Variants in ADGRA2 observed in about 807,000 individuals in gnomAD.
ADGRA2 encodes G-protein coupled receptor 124.
A neutral mutation model predicts 98.7 loss-of-function variants in ADGRA2; 61 were observed. The ratio of observed to expected loss-of-function variants is 0.62; its 90% CI spans 0.50 to 0.76. The LOEUF is 0.76. Ranked by LOEUF, ADGRA2 falls within the 30% of genes least tolerant of loss-of-function variation. The pLI is 0.00. For synonymous variants in ADGRA2, 858 were observed against 831.5 expected, an observed-to-expected ratio of 1.03 and a Z score of -0.55; for missense variants, 1,712 against 1,860.0, an observed-to-expected ratio of 0.92 and a Z score of 1.46.
intron 2 of ADGRA2, among the ~76,000 whole-genome samples, chr8:37,816,225 G>GGCTGCAGTGAGCTATGATTGTGCC (rs533597374): frequency 0.024 from 3,701 of 152,172 alleles, 149 homozygotes; most frequent in African/African-American, 0.085. Flanking sequence ...AGGAGTTCAA[G>GGCTGCAGTGAGCTATGATTGTGCC]GCTGCAGTGA....
intron 1 of ADGRA2, among the ~76,000 whole-genome samples, chr8:37,810,831 G>A (rs1804806578): frequency 1.3e-5 from 2 of 152,042 alleles, no homozygotes; most frequent in South Asian, 4.1e-4. Context: ...TGAACTTTTA[G>A]GCTGGGCGCG....
chr8:37,828,866 G>C (rs1178647849), intron 2 of ADGRA2, 22 bp from the exon 3 acceptor site: 1 of 1,586,810 alleles, frequency 6.3e-7, no homozygotes, highest in Non-Finnish European at 8.6e-7. Flanking sequence ...AGGTGTGAGG[G>C]CCTCTGCACT....
chr8:37,835,740 G>A lies in ADGRA2; in HGVS notation c.2020G>A (p.Val674Met), dbSNP rs772222895. The change falls in exon 13 of 19, where the codon GTG (valine) becomes ATG (methionine). Residue 674 changes from valine to methionine, a missense_variant. Physicochemically the swap from Val to Met is conservative, Grantham distance 21. Transcript: ENST00000412232. ...GAAGPGKRRG[V>M]ATPVIFAGTS... ...TGCTGGGCCTGGCAAGAGGCGTGGC[G>A]TGGCCACCCCCGTCATCTTCGCAGG... 1.1e-5 allele frequency: 18 copies of A among 1,613,092 alleles called. No homozygotes were observed. Among genetic ancestry groups the A allele is most frequent in the South Asian group, 4.4e-5 (4 of 91,044 alleles).
intron 13 of ADGRA2, among the ~76,000 whole-genome samples, chr8:37,836,276 G>A (rs1161341719): frequency 6.6e-6 from 1 of 152,214 alleles, no homozygotes; most frequent in Non-Finnish European, 1.5e-5. Context: ...CCAGGCAGCT[G>A]CTGCACAGGC....
In ADGRA2 at chr8:37,830,094, T is replaced by C; in HGVS notation, c.718+80T>C. ...CCAGGGCCCAGACACGAGCCTCCCC[T>C]CAGACCCACAGGTTTTTACCTTTGT... is the stretch of plus-strand genomic sequence containing the variant. On this transcript the variant is annotated intron_variant, in intron 6 of 18. Coordinates refer to ENST00000412232, the MANE Select transcript of ADGRA2 (RefSeq NM_032777.10). The surrounding 1 kb of genome is among the most constrained non-coding windows in gnomAD (Gnocchi z 4.8). The C allele has an allele frequency of 2.1e-6, 2 of 938,604 alleles. No homozygotes were observed. The highest frequency in any genetic ancestry group is 1.8e-5 in the South Asian group (1 of 55,664). The allele number at this position is 938,604 out of a possible 1,614,324, so 58.1% of individuals were successfully genotyped here.
intron 2 of ADGRA2, among the ~76,000 whole-genome samples, chr8:37,819,783 GC>G (rs1348184390): frequency 5.9e-5 from 9 of 152,150 alleles, no homozygotes; most frequent in Admixed American, 4.6e-4. Flanking sequence ...TGATTCTCCT[GC>G]CTCAGACTCC....
At position 37,841,722 on chromosome 8, in the gene ADGRA2, G is replaced by A; in HGVS notation, c.3384G>A (p.Pro1128=). ...CCCCAAGCGGCAGCAGCGGCCATCC[G>A]CTGGCTCTGGGCCCCTGCAAGCTCA... The part of the protein sequence containing the change: ...KSSPSGSSGH[P]LALGPCKLTN... Residue 1128 remains proline, a synonymous_variant, in exon 19 of 19, where the codon CCG becomes CCA. Transcript: ENST00000412232. This position sits in a 1 kb window ranked among gnomAD's most constrained non-coding sequence, Gnocchi z 5.0. 1 of 1,541,578 alleles carries A rather than the reference G, an allele frequency of 6.5e-7. No individual in the cohort carries two copies. Among genetic ancestry groups the A allele is most frequent in the Non-Finnish European group, 8.7e-7 (1 of 1,144,102 alleles).
At chr8:37,815,098 A>T in intron 2 of ADGRA2, 131 bp downstream of exon 2, 1 of 680,204 alleles carries the variant, frequency 1.5e-6, no homozygotes, top group Non-Finnish European at 2.6e-6. Context: ...CCGGAGTTAG[A>T]CCCACTGGGA....
chr8:37,829,105 C>A, intron 3 of ADGRA2, 146 bp downstream of exon 3: 1 of 788,884 alleles, frequency 1.3e-6, no homozygotes, highest in Non-Finnish European at 2.1e-6. Flanking sequence ...GTCAAAGGAG[C>A]TGGCATTTCC....
At position 37,840,160 on chromosome 8, in the gene ADGRA2, C is replaced by A; in HGVS notation, c.2551C>A (p.Leu851Ile). 6.2e-7 allele frequency: 1 copy of A among 1,610,282 alleles called. No individual in the cohort carries two copies. The highest frequency in any genetic ancestry group is 1.1e-5 in the South Asian group (1 of 91,064). ...GCACTACTCCTCCCTATCCACGCTG[C>A]TCTGGATGGGCGTGAAGGCGCGAGT... is the stretch of plus-strand genomic sequence containing the variant. ...TLHYSSLSTL[L>I]WMGVKARVLH... is the part of the protein sequence containing the mutation. Residue 851 changes from leucine to isoleucine, a missense_variant, in exon 17 of 19, where the codon CTC becomes ATC. Transcript: ENST00000412232.
chr8:37,811,620 G>A (rs1286992751), intron 1 of ADGRA2, among the ~76,000 whole-genome samples: 2 of 150,066 alleles, frequency 1.3e-5, no homozygotes, highest in East Asian at 2.0e-4. Context: ...GGGATTACAG[G>A]CATGCACCAC....
chr8:37,797,023 C>A lies in ADGRA2; in HGVS notation c.-246C>A, dbSNP rs1184113825. 2.2e-5 allele frequency: 4 copies of A among 181,572 alleles called. No individual in the cohort carries two copies. The highest frequency in any genetic ancestry group is 4.5e-5 in the Non-Finnish European group (4 of 88,688). The allele number at this position is 181,572 out of a possible 1,614,324, so 11.2% of individuals were successfully genotyped here. On this transcript the variant is annotated 5_prime_UTR_variant, in exon 1 of 19. Transcript: ENST00000412232. This position sits in a 1 kb window ranked among gnomAD's most constrained non-coding sequence, Gnocchi z 5.3. ...GAGGGCCGGGCGCTGAGACTCCGGC[C>A]GCGCAGCTGGGAGCTGCCCGCGCTG...
At position 37,835,163 on chromosome 8, in the gene ADGRA2, C is replaced by G; in HGVS notation, c.1609-11C>G. On this transcript the variant is annotated splice_polypyrimidine_tract_variant and intron_variant, in intron 11 of 18. Transcript: ENST00000412232. ...TCTCAAATGGTGGGATGACAAGGTC[C>G]CTGTCCCCAGAATGCGAGGAACGTG... 6.2e-7 allele frequency: 1 copy of G among 1,604,914 alleles called. No individual in the cohort carries two copies. The highest frequency in any genetic ancestry group is 8.5e-7 in the Non-Finnish European group (1 of 1,172,108).
rs1430569333 is a variant in ADGRA2, at chr8:37,841,537, A to T, written c.3199A>T (p.Thr1067Ser). The change falls in exon 19 of 19, where the codon ACT becomes TCT. Residue 1067 changes from threonine to serine, a missense_variant. Transcript: ENST00000412232. The surrounding 1 kb of genome is among the most constrained non-coding windows in gnomAD (Gnocchi z 5.0). ...CTCCGCCCTGGGCCTCTTCGTCTTC[A>T]CTCACCACTGTGCCAGGCGGAGGGA... ...AASALGLFVF[T>S]HHCARRRDVR... 6.2e-7 allele frequency: 1 copy of T among 1,611,946 alleles called. No individual in the cohort carries two copies. The highest frequency in any genetic ancestry group is 8.5e-7 in the Non-Finnish European group (1 of 1,179,698).
intron 2 of ADGRA2, among the ~76,000 whole-genome samples, chr8:37,827,710 A>T (rs1563346574): frequency 1.3e-5 from 2 of 152,188 alleles, no homozygotes; most frequent in Admixed American, 6.5e-5. Context: ...CTGAAGGAGG[A>T]GGCTGGACAG....
At position 37,805,402 on chromosome 8, in the gene ADGRA2, A is replaced by G. The variant is rs1324186301; in HGVS notation, c.266+7868A>G. The stretch of plus-strand genomic sequence containing the variant: ...AAGATGAGTATCTGCGTAGGTAGAA[A>G]ACATTGATAACTTCCATCCTTTTGG... On this transcript the variant is annotated intron_variant, in intron 1 of 18. Transcript: ENST00000412232. Among the ~76,000 whole-genome samples the G allele has an allele frequency of 2.0e-5, 3 of 152,172 alleles. No homozygotes were observed. The East Asian group carries it at 5.8e-4, about 29-fold the overall frequency.
Position 37,841,909 on chromosome 8 carries a change from C to T in ADGRA2, c.3571C>T (p.Arg1191Cys). The stretch of plus-strand genomic sequence containing the variant: ...GCACAAGAGCCGGGCCAAGGGACAC[C>T]GCGCGGGGGAGGCCTGCGGCAAGAA... ...RAHKSRAKGH[R>C]AGEACGKNRL... The change falls in exon 19 of 19, where the codon CGC (arginine) becomes TGC (cysteine). Residue 1191 changes from arginine (R) to cysteine (C), a missense_variant. Coordinates refer to ENST00000412232, the MANE Select transcript of ADGRA2 (RefSeq NM_032777.10). The surrounding 1 kb of genome is among the most constrained non-coding windows in gnomAD (Gnocchi z 5.0). The T allele has an allele frequency of 1.3e-6, 2 of 1,528,548 alleles. No individual in the cohort carries two copies. Among genetic ancestry groups the T allele is most frequent in the Non-Finnish European group, 1.7e-6 (2 of 1,144,678 alleles). The allele number at this position is 1,528,548 out of a possible 1,614,324, so 94.7% of individuals were successfully genotyped here. A position where few individuals can be genotyped will look rare whatever the true frequency, so the allele number is the denominator to read the frequency against.
At position 37,840,181 on chromosome 8, in the gene ADGRA2, C is replaced by T. The variant is rs1383182850; in HGVS notation, c.2572C>T (p.Arg858Ter). 2.5e-6 allele frequency: 4 copies of T among 1,611,818 alleles called. No individual in the cohort carries two copies. Among genetic ancestry groups the T allele is most frequent in the Non-Finnish European group, 2.5e-6 (3 of 1,179,816 alleles). ...GCTGCTCTGGATGGGCGTGAAGGCGCGAGTGCTCCATAAGGAGCTCACCTG... is the reference window on the plus strand; with the variant it reads ...GCTGCTCTGGATGGGCGTGAAGGCGTGAGTGCTCCATAAGGAGCTCACCTG... ...STLLWMGVKA[R>*]VLHKELTWRA... is the part of the protein sequence containing the mutation. The change falls in exon 17 of 19, where the codon CGA (arginine) becomes TGA (stop). Residue 858 changes from arginine to a stop codon, truncating the protein, a stop_gained. Transcript: ENST00000412232. LOFTEE classifies it high-confidence loss of function.
chr8:37,840,353 C>G, intron 17 of ADGRA2, 87 bp downstream of exon 17: 1 of 1,405,116 alleles, frequency 7.1e-7, no homozygotes, highest in Non-Finnish European at 1.0e-6. Flanking sequence ...AAGGGTGAGT[C>G]TAAGGTCCCT....
Sources: allele counts gnomAD v4.1 joint callset (sites outside exome capture counted in the v4.1 genomes callset), GRCh38; gene constraint gnomAD v4.1.1; non-coding constraint Gnocchi (gnomAD v3.1); transcripts MANE v1.5; gene names NCBI Gene and HGNC (gene_info 2026-07-23, HGNC 2026-07-21).